The following IL1RAPL2 variants were observed in gnomAD, a reference collection of about 807,000 sequenced individuals.
The protein encoded by IL1RAPL2 is X-linked interleukin-1 receptor accessory protein-like 2.
A neutral mutation model predicts 44.1 loss-of-function variants in IL1RAPL2; 3 were observed. The observed-to-expected ratio is 0.07, with a 90% confidence interval of 0.03 to 0.18. The LOEUF (loss-of-function observed/expected upper bound fraction) is 0.18, where lower values mean the gene tolerates loss of function less well. Among genes scored for constraint, IL1RAPL2 ranks in the 10% least tolerant of loss-of-function variants. The pLI, the probability that IL1RAPL2 is intolerant of heterozygous loss-of-function variation, is 1.00. For missense variants in IL1RAPL2, 391 were observed against 496.4 expected, an observed-to-expected ratio of 0.79 and a Z score of 2.02; for synonymous variants, 181 against 178.8, an observed-to-expected ratio of 1.01 and a Z score of -0.10.
At chrX:104,685,210 C>T (rs925717496) in intron 2 of IL1RAPL2, among the ~76,000 whole-genome samples, 2 of 111,931 alleles carry the variant, frequency 1.8e-5, no homozygotes, top group African/African-American at 3.2e-5. Flanking sequence ...GAAACAGTAA[C>T]CTTGAAAGTC....
At chrX:104,795,354 A>C (rs1338482646) in intron 2 of IL1RAPL2, among the ~76,000 whole-genome samples, 1 of 111,398 alleles carries the variant, frequency 9.0e-6, no homozygotes, top group Non-Finnish European at 1.9e-5. Flanking sequence ...AGCTGAGAAG[A>C]AACCATTTGT....
intron 3 of IL1RAPL2, among the ~76,000 whole-genome samples, chrX:105,233,276 G>T (rs185178842): frequency 9.0e-6 from 1 of 111,335 alleles, no homozygotes; most frequent in Non-Finnish European, 1.9e-5. Context: ...AGAGCGAGGC[G>T]CCGTCTCAAA....
chrX:105,448,420 G>A (rs2035992303), intron 5 of IL1RAPL2, among the ~76,000 whole-genome samples: 1 of 107,108 alleles, frequency 9.3e-6, no homozygotes, highest in African/African-American at 3.5e-5. Flanking sequence ...GCTAGAGTGC[G>A]ATGGTGCAAT....
intron 6 of IL1RAPL2, among the ~76,000 whole-genome samples, chrX:105,572,369 C>T (rs972782273): frequency 2.7e-5 from 3 of 111,878 alleles, no homozygotes; most frequent in Admixed American, 1.9e-4. Context: ...GGAATGCATA[C>T]GAAAGCCTAA....
intron 3 of IL1RAPL2, among the ~76,000 whole-genome samples, chrX:105,227,028 T>TA (rs1321699805): frequency 1.2e-5 from 1 of 86,519 alleles, no homozygotes; most frequent in Non-Finnish European, 2.1e-5. Flanking sequence ...TAAGAACAGT[T>TA]AAAAAACACA....
At chrX:105,275,365 C>T (rs766737707) in intron 5 of IL1RAPL2, among the ~76,000 whole-genome samples, 151 of 112,248 alleles carry the variant, frequency 1.3e-3, no homozygotes, top group African/African-American at 4.7e-3. Context: ...GAGTGAGTAT[C>T]TGGCTCTATT....
rs59541869 is a variant in IL1RAPL2 at position 104,956,461 on chromosome X, A to AGTGTGTGTGTGTGTGTGTGTGT, written c.83-239001_83-238980dup. On this transcript the variant is annotated intron_variant, in intron 2 of 10. Coordinates refer to ENST00000372582, the MANE Select transcript of IL1RAPL2 (RefSeq NM_017416.2). ...ACATGGCAAAACCCTGTCTCTACTAAGTGTGTGTGTGTGTGTGTGTGTGTG... is the reference window on the plus strand; with the variant it reads ...ACATGGCAAAACCCTGTCTCTACTAAGTGTGTGTGTGTGTGTGTGTGTGTGTGTGTGTGTGTGTGTGTGTGTG... Among the ~76,000 whole-genome samples, 526 of 84,078 alleles carry AGTGTGTGTGTGTGTGTGTGTGT rather than the reference A, an allele frequency of 6.3e-3. 8 individuals carry two copies. Among genetic ancestry groups the AGTGTGTGTGTGTGTGTGTGTGT allele is most frequent in the African/African-American group, 0.016 (345 of 21,084 alleles). 73.0% of individuals were successfully genotyped at this position (84,078 alleles called of 115,157 possible). A position where few individuals can be genotyped will look rare whatever the true frequency, so the allele number is the denominator to read the frequency against.
At chrX:104,945,908 T>C (rs1287411765) in intron 2 of IL1RAPL2, among the ~76,000 whole-genome samples, 2 of 110,757 alleles carry the variant, frequency 1.8e-5, no homozygotes, top group Non-Finnish European at 3.8e-5. Flanking sequence ...TGTTGTTGCC[T>C]TAGGTTGGAA....
At chrX:104,856,518 G>A (rs1467683743) in intron 2 of IL1RAPL2, among the ~76,000 whole-genome samples, 2 of 111,959 alleles carry the variant, frequency 1.8e-5, no homozygotes, top group Non-Finnish European at 3.8e-5. Context: ...CCATGACCTT[G>A]AAAGGTCATG....
At chrX:104,713,800 C>G (rs1283244862) in intron 2 of IL1RAPL2, among the ~76,000 whole-genome samples, 2 of 110,392 alleles carry the variant, frequency 1.8e-5, no homozygotes, top group East Asian at 5.8e-4. Context: ...CTGCTTTGAT[C>G]TGATAGTTTC....
chrX:105,349,422 A>T (rs891693474), intron 5 of IL1RAPL2, among the ~76,000 whole-genome samples: 43 of 111,867 alleles, frequency 3.8e-4, no homozygotes, highest in African/African-American at 1.3e-3. Context: ...GGGGAATATC[A>T]TGAGGTTTTA....
intron 2 of IL1RAPL2, among the ~76,000 whole-genome samples, chrX:104,850,371 G>C (rs989182236): frequency 4.5e-5 from 5 of 111,519 alleles, no homozygotes; most frequent in African/African-American, 1.3e-4. Flanking sequence ...AGTCTGGTTT[G>C]ACTAGTTAAC....
intron 3 of IL1RAPL2, among the ~76,000 whole-genome samples, chrX:105,204,136 A>C (rs2033740960): frequency 9.3e-6 from 1 of 108,013 alleles, no homozygotes; most frequent in African/African-American, 3.4e-5. Context: ...GAAAATCAAC[A>C]CTCCAATGGC....
At chrX:105,690,525 G>A (rs2038026726) in intron 6 of IL1RAPL2, among the ~76,000 whole-genome samples, 1 of 111,495 alleles carries the variant, frequency 9.0e-6, no homozygotes, top group African/African-American at 3.3e-5. Context: ...AATCAGAAAA[G>A]ACATAGGTCT....
At chrX:104,984,862 A>C (rs2030530484) in intron 2 of IL1RAPL2, among the ~76,000 whole-genome samples, 1 of 111,750 alleles carries the variant, frequency 8.9e-6, no homozygotes, top group African/African-American at 3.2e-5. Flanking sequence ...AATGACTAAA[A>C]CTGACTGCAA....
intron 2 of IL1RAPL2, among the ~76,000 whole-genome samples, chrX:104,659,842 T>TGAAA (rs1369734734): frequency 8.9e-6 from 1 of 111,915 alleles, no homozygotes; most frequent in Non-Finnish European, 1.9e-5. Flanking sequence ...ATCTAGTCAA[T>TGAAA]GAAATGCATG....
At chrX:104,628,398 G>A (rs941427478) in intron 1 of IL1RAPL2, among the ~76,000 whole-genome samples, 6 of 110,820 alleles carry the variant, frequency 5.4e-5, no homozygotes, top group Non-Finnish European at 1.1e-4. Context: ...CCCTACCTCA[G>A]TAAGATGAAC....
intron 2 of IL1RAPL2, among the ~76,000 whole-genome samples, chrX:104,953,683 T>C (rs1386314779): frequency 9.0e-6 from 1 of 111,513 alleles, no homozygotes; most frequent in Non-Finnish European, 1.9e-5. Context: ...AACAAAGGTA[T>C]TCATTATTAT....
chrX:104,569,079 G>A (rs749044702), intron 1 of IL1RAPL2, among the ~76,000 whole-genome samples: 7 of 112,398 alleles, frequency 6.2e-5, no homozygotes, highest in African/African-American at 2.3e-4. Flanking sequence ...TGAAGGAGAG[G>A]CAAGTTGCGA....
Sources: allele counts gnomAD v4.1 joint callset (sites outside exome capture counted in the v4.1 genomes callset), GRCh38; gene constraint gnomAD v4.1.1; transcripts MANE v1.5; gene names NCBI Gene and HGNC (gene_info 2026-07-23, HGNC 2026-07-21).